The following HHAT variants were observed in gnomAD, a reference collection of about 807,000 sequenced individuals.
The protein encoded by HHAT is protein-cysteine N-palmitoyltransferase HHAT.
A neutral mutation model predicts 70.8 loss-of-function variants in HHAT; 47 were observed. The observed-to-expected ratio is 0.66, with a 90% CI of 0.53 to 0.85. The LOEUF (loss-of-function observed/expected upper bound fraction) is 0.85. Ranked by LOEUF, HHAT falls within the 40% of genes least tolerant of loss-of-function variation. The pLI is 0.00. For synonymous variants in HHAT, 228 were observed against 247.6 expected (o/e 0.92, Z 0.74); for missense variants, 609 against 604.8 (o/e 1.01, Z -0.07).
intron 9 of HHAT, among the ~76,000 whole-genome samples, chr1:210,535,445 G>GTA (rs2095361250): frequency 6.6e-6 from 1 of 151,570 alleles, no homozygotes; most frequent in African/African-American, 2.4e-5. Flanking sequence ...GTGTGTGTGT[G>GTA]TGTGTGTGTG....
chr1:210,497,909 G>T (rs2094681565), intron 8 of HHAT, among the ~76,000 whole-genome samples: 1 of 151,962 alleles, frequency 6.6e-6, no homozygotes, highest in Admixed American at 6.6e-5. Flanking sequence ...GGGACTACAG[G>T]CATGCACCAT....
rs773122781 is a variant in HHAT at position 210,462,119 on chromosome 1, A to G, written c.857-2386A>G. Among the ~76,000 whole-genome samples the G allele has an allele frequency of 6.6e-5, 10 of 152,354 alleles. No homozygotes were observed. The South Asian group carries it at 1.9e-3, about 28-fold the overall frequency. ...TATGCCTTGAATCTGACAACTGTAC[A>G]AAAATAATGTGAAAAATAAAGCAAT... On this transcript the variant is annotated intron_variant, in intron 7 of 11. Transcript: ENST00000261458.
chr1:210,424,210 G>T (rs568030008), intron 7 of HHAT, among the ~76,000 whole-genome samples: 3 of 152,098 alleles, frequency 2.0e-5, no homozygotes, highest in African/African-American at 7.2e-5. Flanking sequence ...TTCAGTGTTC[G>T]TATTTCTTTC....
At chr1:210,439,464 A>T (rs1356117369) in intron 7 of HHAT, 1 of 151,834 alleles carries the variant, frequency 6.6e-6, no homozygotes, top group Non-Finnish European at 1.5e-5. Flanking sequence ...TGGCATGTGG[A>T]ATCCTGACTT....
At chr1:210,438,933 G>A (rs1424983271) in intron 7 of HHAT, among the ~76,000 whole-genome samples, 1 of 151,874 alleles carries the variant, frequency 6.6e-6, no homozygotes, top group Non-Finnish European at 1.5e-5. Context: ...TTGAGTATCT[G>A]TCTGTCTAAG....
intron 7 of HHAT, among the ~76,000 whole-genome samples, chr1:210,444,442 T>G (rs1450055428): frequency 1.4e-5 from 2 of 141,046 alleles, no homozygotes; most frequent in Non-Finnish European, 3.1e-5. Context: ...TCCTTGTACC[T>G]CTGGTAGAAT....
chr1:210,604,041 T>A (rs1558255888), intron 10 of HHAT, among the ~76,000 whole-genome samples: 1 of 152,194 alleles, frequency 6.6e-6, no homozygotes, highest in Non-Finnish European at 1.5e-5. Flanking sequence ...AGTTCATCCA[T>A]CAAACTGACT....
intron 9 of HHAT, among the ~76,000 whole-genome samples, chr1:210,565,484 C>T (rs916309524): frequency 6.6e-6 from 1 of 152,290 alleles, no homozygotes; most frequent in Non-Finnish European, 1.5e-5. Flanking sequence ...AACAATGTGG[C>T]ATTCCTAGTC....
chr1:210,599,045 G>A (rs188251626), intron 10 of HHAT, among the ~76,000 whole-genome samples: 77 of 152,288 alleles, frequency 5.1e-4, no homozygotes, highest in African/African-American at 1.8e-3. Flanking sequence ...GCTGAGTGCT[G>A]TAAATAGGAA....
At chr1:210,558,711 C>T (rs1340280887) in intron 9 of HHAT, among the ~76,000 whole-genome samples, 1 of 152,046 alleles carries the variant, frequency 6.6e-6, no homozygotes, top group Non-Finnish European at 1.5e-5. Context: ...CAGTCTCTGC[C>T]ATTTTCTTTG....
At chr1:210,338,148 A>G (rs1414307511) in intron 1 of HHAT, among the ~76,000 whole-genome samples, 1 of 151,002 alleles carries the variant, frequency 6.6e-6, no homozygotes, top group African/African-American at 2.4e-5. Context: ...GGAGTTCAAG[A>G]CCAGCCTGGG....
chr1:210,602,242 C>G (rs1056864122), intron 10 of HHAT, among the ~76,000 whole-genome samples: 5 of 152,024 alleles, frequency 3.3e-5, no homozygotes, highest in African/African-American at 1.2e-4. Flanking sequence ...GCTTATGATC[C>G]AGATGGAGAG....
At chr1:210,482,696 A>G (rs1207816911) in intron 8 of HHAT, among the ~76,000 whole-genome samples, 1 of 152,212 alleles carries the variant, frequency 6.6e-6, no homozygotes, top group African/African-American at 2.4e-5. Context: ...CTGTACTGCT[A>G]TAATGAATAC....
chr1:210,490,858 C>T (rs1261598617), intron 8 of HHAT, among the ~76,000 whole-genome samples: 1 of 151,852 alleles, frequency 6.6e-6, no homozygotes, highest in Non-Finnish European at 1.5e-5. Flanking sequence ...TTTTACTTTT[C>T]AAGTAGAAAA....
chr1:210,469,232 T>C (rs1362973755), intron 8 of HHAT, among the ~76,000 whole-genome samples: 1 of 152,162 alleles, frequency 6.6e-6, no homozygotes, highest in Non-Finnish European at 1.5e-5. Context: ...GGAAGCAGTA[T>C]GGGCTGGACC....
intron 10 of HHAT, among the ~76,000 whole-genome samples, chr1:210,598,193 T>A (rs1663442964): frequency 6.6e-6 from 1 of 151,812 alleles, no homozygotes; most frequent in Non-Finnish European, 1.5e-5. Flanking sequence ...TGAGCACGTA[T>A]CCAAATTGCA....
intron 11 of HHAT, among the ~76,000 whole-genome samples, chr1:210,644,807 A>G (rs1006000976): frequency 1.3e-5 from 2 of 152,124 alleles, no homozygotes; most frequent in East Asian, 3.9e-4. Context: ...ACATTTAACC[A>G]TGGACCACTT....
intron 9 of HHAT, among the ~76,000 whole-genome samples, chr1:210,577,588 T>G (rs1041761674): frequency 6.6e-6 from 1 of 151,922 alleles, no homozygotes; most frequent in Non-Finnish European, 1.5e-5. Context: ...TGCTAGTATT[T>G]TGTTGAATGT....
intron 11 of HHAT, among the ~76,000 whole-genome samples, chr1:210,651,476 T>C (rs1481061850): frequency 1.3e-5 from 2 of 152,100 alleles, no homozygotes; most frequent in Non-Finnish European, 2.9e-5. Context: ...CACTAGAATC[T>C]AAGATCTCAG....
Sources: allele counts gnomAD v4.1 joint callset (sites outside exome capture counted in the v4.1 genomes callset), GRCh38; gene constraint gnomAD v4.1.1; transcripts MANE v1.5; gene names NCBI Gene and HGNC (gene_info 2026-07-23, HGNC 2026-07-21).